Variants in SERPINA10 observed in about 807,000 individuals in gnomAD.
The protein encoded by SERPINA10 is serpin family A member 10, also known as protein Z-dependent protease inhibitor.
In SERPINA10, 24 loss-of-function variants were observed where a neutral mutation model predicts 28.0. The ratio of observed to expected loss-of-function variants is 0.86; its 90% CI spans 0.62 to 1.20. The LOEUF (loss-of-function observed/expected upper bound fraction) is 1.20, where lower values mean the gene tolerates loss of function less well. SERPINA10 is among the 50% of genes most tolerant of loss of function. The pLI is 0.00. For synonymous variants in SERPINA10, 207 were observed against 203.9 expected (o/e 1.02, Z -0.13); for missense variants, 521 against 537.7 (o/e 0.97, Z 0.31).
At chr14:94,285,142 A>G (rs975399799) in intron 4 of SERPINA10, among the ~76,000 whole-genome samples, 2 of 152,216 alleles carry the variant, frequency 1.3e-5, no homozygotes, top group Non-Finnish European at 2.9e-5. Flanking sequence ...ATTAAACCAC[A>G]CAGCTAAGGA....
In SERPINA10 at chr14:94,290,625, C is replaced by T; in HGVS notation, c.-32G>A. On this transcript the variant is annotated 5_prime_UTR_variant, in exon 2 of 5. Transcript: ENST00000261994. Reference sequence around the variant, plus strand: ...GGCTGCGGAGGCCAAGGAGTGCCTCCCTTCAGCTGCAAGACTTCCTGTGGA... The same window carrying T: ...GGCTGCGGAGGCCAAGGAGTGCCTCTCTTCAGCTGCAAGACTTCCTGTGGA... 6.2e-7 allele frequency: 1 copy of T among 1,610,430 alleles called. No homozygotes were observed. Among genetic ancestry groups the T allele is most frequent in the Non-Finnish European group, 8.5e-7 (1 of 1,179,106 alleles).
chr14:94,280,772 C>T lies in SERPINA10; in HGVS notation c.*3193G>A, dbSNP rs1290775442. ...CCAGGAATTTCACTAGTTAGCCTTA[C>T]AAGCTAACTGTAGAGCTCACTTTTA... is the stretch of plus-strand genomic sequence containing the variant. On this transcript the variant is annotated 3_prime_UTR_variant, in exon 5 of 5. Transcript: ENST00000261994. 6.6e-6 allele frequency: 1 copy of T among 152,182 alleles called. No homozygotes were observed. Among genetic ancestry groups the T allele is most frequent in the East Asian group, 1.9e-4 (1 of 5,198 alleles). The allele number at this position is 152,182 out of a possible 1,614,324, so 9.4% of individuals were successfully genotyped here.
Position 94,290,393 on chromosome 14 carries a change from C to A in SERPINA10, c.201G>T (p.Trp67Cys). Residue 67 changes from tryptophan to cysteine, a missense_variant, in exon 2 of 5, where the codon TGG becomes TGT. Coordinates refer to ENST00000261994, the MANE Select transcript of SERPINA10 (RefSeq NM_001100607.3). ...EEKASEEEKAWLMASRQQLAK... is the reference protein window; with the variant it reads ...EEKASEEEKACLMASRQQLAK... The stretch of plus-strand genomic sequence containing the variant: ...CAAGCTGCTGCCTGCTGGCCATCAG[C>A]CAGGCTTTCTCTTCCTCACTGGCCT... The A allele has an allele frequency of 6.2e-7, 1 of 1,614,148 alleles. No individual in the cohort carries two copies. Among genetic ancestry groups the A allele is most frequent in the Non-Finnish European group, 8.5e-7 (1 of 1,179,996 alleles).
intron 3 of SERPINA10, among the ~76,000 whole-genome samples, chr14:94,286,551 C>T (rs942019963): frequency 2.6e-5 from 4 of 152,210 alleles, no homozygotes; most frequent in Non-Finnish European, 5.9e-5. Context: ...CCTGAGTTAA[C>T]AGCTGCTTTC....
At chr14:94,285,100 T>C (rs1894987526) in intron 4 of SERPINA10, among the ~76,000 whole-genome samples, 1 of 152,188 alleles carries the variant, frequency 6.6e-6, no homozygotes, top group Admixed American at 6.5e-5. Context: ...TAGTCTCTCT[T>C]GGAATTGAAA....
Position 94,283,802 on chromosome 14 carries a change from C to T in SERPINA10, c.*163G>A, listed in dbSNP as rs1894953304. The stretch of plus-strand genomic sequence containing the variant: ...CTGCTGGGGGTCTTTGAATGTATCC[C>T]CCTCAGATAAGTGGGGACTACTGTA... On this transcript the variant is annotated 3_prime_UTR_variant, in exon 5 of 5. Transcript: ENST00000261994. 1.5e-6 allele frequency: 1 copy of T among 684,404 alleles called. No individual in the cohort carries two copies. Among genetic ancestry groups the T allele is most frequent in the Non-Finnish European group, 2.5e-6 (1 of 395,162 alleles). The allele number at this position is 684,404 out of a possible 1,614,324, so 42.4% of individuals were successfully genotyped here.
chr14:94,283,791 T>C lies in SERPINA10; in HGVS notation c.*174A>G. 1.5e-6 allele frequency: 1 copy of C among 658,272 alleles called. No homozygotes were observed. The highest frequency in any genetic ancestry group is 2.6e-5 in the Admixed American group (1 of 38,806). The allele number at this position is 658,272 out of a possible 1,614,324, so 40.8% of individuals were successfully genotyped here. On this transcript the variant is annotated 3_prime_UTR_variant, in exon 5 of 5. Transcript: ENST00000261994. ...GTTTCAGGCATCTGCTGGGGGTCTTTGAATGTATCCCCCTCAGATAAGTGG... is the reference window on the plus strand; with the variant it reads ...GTTTCAGGCATCTGCTGGGGGTCTTCGAATGTATCCCCCTCAGATAAGTGG...
At chr14:94,291,521 G>C (rs147621079) in intron 1 of SERPINA10, among the ~76,000 whole-genome samples, 3 of 152,196 alleles carry the variant, frequency 2.0e-5, no homozygotes, top group African/African-American at 7.2e-5. Flanking sequence ...GGGCCACCTG[G>C]CTGTGTCCAA....
At chr14:94,291,957 T>G (rs1895189279) in intron 1 of SERPINA10, among the ~76,000 whole-genome samples, 1 of 152,220 alleles carries the variant, frequency 6.6e-6, no homozygotes, top group African/African-American at 2.4e-5. Flanking sequence ...AGTGAAATAC[T>G]TCCACTGTGT....
chr14:94,291,623 T>C (rs1895180738), intron 1 of SERPINA10, among the ~76,000 whole-genome samples: 1 of 152,174 alleles, frequency 6.6e-6, no homozygotes, highest in Non-Finnish European at 1.5e-5. Flanking sequence ...TCATCCTCTC[T>C]CTGGGCCCAC....
chr14:94,283,358 T>C lies in SERPINA10; in HGVS notation c.*607A>G, dbSNP rs1894942269. 6.5e-6 allele frequency: 1 copy of C among 152,676 alleles called. No individual in the cohort carries two copies. Among genetic ancestry groups the C allele is most frequent in the African/African-American group, 2.4e-5 (1 of 41,456 alleles). 9.5% of individuals were successfully genotyped at this position (152,676 alleles called of 1,614,324 possible). A position where few individuals can be genotyped will look rare whatever the true frequency, so the allele number is the denominator to read the frequency against. On this transcript the variant is annotated 3_prime_UTR_variant, in exon 5 of 5. Coordinates refer to ENST00000261994, the MANE Select transcript of SERPINA10 (RefSeq NM_001100607.3). ...TAATGCTTTTGTAGTAGTCCTCCCT[T>C]ATCCATGGTTTTGCTTTCTGCAGTC... is the stretch of plus-strand genomic sequence containing the variant.
intron 4 of SERPINA10, among the ~76,000 whole-genome samples, chr14:94,285,525 A>G (rs1219873206): frequency 2.0e-5 from 3 of 151,276 alleles, no homozygotes; most frequent in Non-Finnish European, 4.4e-5. Flanking sequence ...ATACACACAC[A>G]CATATACACA....
At chr14:94,289,243 C>G (rs182641359) in intron 2 of SERPINA10, among the ~76,000 whole-genome samples, 2 of 152,300 alleles carry the variant, frequency 1.3e-5, no homozygotes, top group Admixed American at 6.5e-5. Context: ...TGGACAGAAC[C>G]TAGGATCAGG....
chr14:94,286,199 A>T lies in SERPINA10; in HGVS notation c.1052T>A (p.Leu351Gln). The change falls in exon 4 of 5, where the codon CTG (leucine) becomes CAG (glutamine). Residue 351 changes from leucine (L) to glutamine (Q), a missense_variant. Leu to Gln is a moderately radical substitution (Grantham distance 113, BLOSUM62 -2). Coordinates refer to ENST00000261994, the MANE Select transcript of SERPINA10 (RefSeq NM_001100607.3). The part of the protein sequence containing the change: ...KLDQKYEMHE[L>Q]LRQMGIRRIF... ...TCTTCTGATTCCCATCTGCCTAAGC[A>T]GCTCATGCATCTCATACTTCTGATC... 1 of 1,614,170 alleles carries T rather than the reference A, an allele frequency of 6.2e-7. No individual in the cohort carries two copies. The highest frequency in any genetic ancestry group is 8.5e-7 in the Non-Finnish European group (1 of 1,180,014).
intron 1 of SERPINA10, chr14:94,292,795 C>T (rs1185080229): frequency 3.1e-6 from 2 of 653,584 alleles, no homozygotes; most frequent in African/African-American, 3.6e-5. Context: ...TGAGGACGCA[C>T]CTTCCTAGAC....
At chr14:94,287,489 G>A (rs1181958554) in intron 3 of SERPINA10, among the ~76,000 whole-genome samples, 1 of 152,188 alleles carries the variant, frequency 6.6e-6, no homozygotes, top group Non-Finnish European at 1.5e-5. Flanking sequence ...CCAGGTAGCA[G>A]CATCTCTACC....
At position 94,286,267 on chromosome 14, in the gene SERPINA10, C is replaced by T; in HGVS notation, c.993-9G>A. The T allele has an allele frequency of 6.2e-7, 1 of 1,613,386 alleles. No homozygotes were observed. The highest frequency in any genetic ancestry group is 1.1e-5 in the South Asian group (1 of 91,054). On this transcript the variant is annotated splice_polypyrimidine_tract_variant and intron_variant, in intron 3 of 4. Transcript: ENST00000261994. ...AGAAAACTTCCATGTTTCTGTGGTA[C>T]AAGAACAGATGATGGTGAAATGTAG...
At chr14:94,288,692 C>T (rs569811774) in intron 2 of SERPINA10, 133 bp from the exon 3 acceptor site, 85 of 1,262,556 alleles carry the variant, frequency 6.7e-5, no homozygotes, top group Non-Finnish European at 8.6e-5. Context: ...CTAGGAAAGG[C>T]GTTCCCTAAT....
At position 94,288,320 on chromosome 14, in the gene SERPINA10, AG is replaced by A; in HGVS notation, c.957del (p.Leu320TrpfsTer9). On this transcript the variant is annotated frameshift_variant, in exon 3 of 5. Coordinates refer to ENST00000261994, the MANE Select transcript of SERPINA10 (RefSeq NM_001100607.3). LOFTEE classifies it high-confidence loss of function. ...HLALEDYLTT[D>X]LVETWLRNMK... ...ATGTTTCTGAGCCATGTCTCCACCA[AG>A]TCTGTGGTCAGGTAGTCTTCAAGGG... 1 of 1,614,090 alleles carries A rather than the reference AG, an allele frequency of 6.2e-7. No homozygotes were observed. Among genetic ancestry groups the A allele is most frequent in the Middle Eastern group, 1.7e-4 (1 of 6,020 alleles).
Sources: allele counts gnomAD v4.1 joint callset (sites outside exome capture counted in the v4.1 genomes callset), GRCh38; gene constraint gnomAD v4.1.1; transcripts MANE v1.5; gene names NCBI Gene and HGNC (gene_info 2026-07-23, HGNC 2026-07-21).